Variants in PKNOX2 observed in about 807,000 individuals in gnomAD.
PKNOX2 encodes the protein PBX/knotted 1 homeobox 2.
In PKNOX2, 14 loss-of-function variants were observed where a neutral mutation model predicts 53.1. The ratio of observed to expected loss-of-function variants is 0.26; its 90% confidence interval spans 0.17 to 0.41. The LOEUF is 0.41. Ranked by LOEUF, PKNOX2 falls within the 10% of genes least tolerant of loss-of-function variation. PKNOX2 has a pLI of 1.00. For missense variants in PKNOX2, 496 were observed against 602.8 expected, an observed-to-expected ratio of 0.82 and a Z score of 1.85; for synonymous variants, 257 against 242.8, an observed-to-expected ratio of 1.06 and a Z score of -0.54.
At chr11:125,298,613 C>A (rs1283836696) in intron 2 of PKNOX2, among the ~76,000 whole-genome samples, 3 of 152,216 alleles carry the variant, frequency 2.0e-5, no homozygotes, top group Admixed American at 6.5e-5. Context: ...GCCCCCAGTT[C>A]TGAGCCGCTG....
chr11:125,306,450 G>A lies in PKNOX2; in HGVS notation c.-129-25369G>A, dbSNP rs1426752812. 2.6e-5 allele frequency among the ~76,000 whole-genome samples: 4 copies of A among 152,102 alleles called. No homozygotes were observed. The East Asian group carries it at 7.7e-4, about 29-fold the overall frequency. ...GCTTTTCTTTCTGCCTTCCCACTCT[G>A]TCCTTTCTTTCTTTTTTTCTTTTCT... On this transcript the variant is annotated intron_variant, in intron 2 of 12. Transcript: ENST00000298282.
intron 3 of PKNOX2, among the ~76,000 whole-genome samples, chr11:125,333,207 T>A (rs1950236299): frequency 6.6e-6 from 1 of 152,182 alleles, no homozygotes; most frequent in African/African-American, 2.4e-5. Flanking sequence ...CTACACCTGG[T>A]GAATCCGTGT....
chr11:125,327,406 G>A (rs1174224582), intron 2 of PKNOX2, among the ~76,000 whole-genome samples: 1 of 152,182 alleles, frequency 6.6e-6, no homozygotes, highest in Non-Finnish European at 1.5e-5. Context: ...CTTGTTCCCT[G>A]AACCATCCGG....
chr11:125,426,891 A>G (rs1402930698), intron 10 of PKNOX2, among the ~76,000 whole-genome samples: 2 of 152,206 alleles, frequency 1.3e-5, no homozygotes, highest in Admixed American at 6.5e-5. Flanking sequence ...GGGAGTCGGG[A>G]AGGGCCTTGC....
Position 125,289,151 on chromosome 11 carries a change from C to T in PKNOX2, c.-129-42668C>T, listed in dbSNP as rs568271770. Among the ~76,000 whole-genome samples the T allele has an allele frequency of 8.5e-5, 13 of 152,302 alleles. No homozygotes were observed. The East Asian group carries it at 1.2e-3, about 14-fold the overall frequency. ...TGGCAGGAAATCCTCAGCCTTCAAG[C>T]GGAACCCATAGCAGACCGGGGCCCT... On this transcript the variant is annotated intron_variant, in intron 2 of 12. Coordinates refer to ENST00000298282, the MANE Select transcript of PKNOX2 (RefSeq NM_001382323.2).
chr11:125,225,798 A>T (rs1457404443), intron 1 of PKNOX2, among the ~76,000 whole-genome samples: 1 of 152,234 alleles, frequency 6.6e-6, no homozygotes, highest in Non-Finnish European at 1.5e-5. Flanking sequence ...TGGATGCAAA[A>T]TGAGGTCTTG....
chr11:125,380,953 C>A (rs1953180408), intron 5 of PKNOX2, among the ~76,000 whole-genome samples: 1 of 152,268 alleles, frequency 6.6e-6, no homozygotes, highest in South Asian at 2.1e-4. Context: ...GGCTGGGCAC[C>A]TGGGGAAGGG....
chr11:125,168,721 A>G (rs1955062087), intron 1 of PKNOX2, among the ~76,000 whole-genome samples: 1 of 152,230 alleles, frequency 6.6e-6, no homozygotes, highest in South Asian at 2.1e-4. Context: ...AACCAAACCA[A>G]TTGACCTGAC....
chr11:125,424,098 G>A (rs186889084), intron 10 of PKNOX2, among the ~76,000 whole-genome samples: 15 of 151,892 alleles, frequency 9.9e-5, no homozygotes, highest in Admixed American at 4.6e-4. Flanking sequence ...CAAAAGTCAG[G>A]AGATCTTTGG....
chr11:125,379,895 A>G (rs1388056416), intron 5 of PKNOX2, among the ~76,000 whole-genome samples: 1 of 151,910 alleles, frequency 6.6e-6, no homozygotes, highest in Admixed American at 6.6e-5. Flanking sequence ...ACAAGACTGC[A>G]ATTCTGTGGA....
In PKNOX2 at chr11:125,370,935, G is replaced by A. The variant is rs903628755; in HGVS notation, c.227+2950G>A. ...CATCATGGCCCCTGCTAGAACCACA[G>A]ATGAAGGAAGGGTGGGTGTGGCCCC... is the stretch of plus-strand genomic sequence containing the variant. On this transcript the variant is annotated intron_variant, in intron 5 of 12. Transcript: ENST00000298282. The surrounding 1 kb of genome is among the most constrained non-coding windows in gnomAD (Gnocchi z 4.1). 2.0e-5 allele frequency among the ~76,000 whole-genome samples: 3 copies of A among 152,212 alleles called. No individual in the cohort carries two copies. The highest frequency in any genetic ancestry group is 4.4e-5 in the Non-Finnish European group (3 of 68,028).
At chr11:125,189,447 G>GTGTGTGTGTGTA (rs1256963392) in intron 1 of PKNOX2, among the ~76,000 whole-genome samples, 2 of 23,462 alleles carry the variant, frequency 8.5e-5, no homozygotes, top group African/African-American at 3.1e-4. Flanking sequence ...GTGTGTGTGT[G>GTGTGTGTGTGTA]TATATATATA....
At chr11:125,339,312 A>G (rs772792514) in intron 3 of PKNOX2, among the ~76,000 whole-genome samples, 1 of 152,162 alleles carries the variant, frequency 6.6e-6, no homozygotes, top group Non-Finnish European at 1.5e-5. Context: ...GGAAGAGAAG[A>G]CTCTGAAGTG....
chr11:125,328,347 AAGAGAGAGAGTGAGTGAGAGAG>A (rs1417304746), intron 2 of PKNOX2, among the ~76,000 whole-genome samples: 3,715 of 148,700 alleles, frequency 0.025, 152 homozygotes, highest in African/African-American at 0.089. Flanking sequence ...GAGAGAGAGA[AAGAGAGAGAGTGAGTGAGAGAG>A]AGAGAGAGAG....
At chr11:125,210,804 A>T (rs1464516186) in intron 1 of PKNOX2, among the ~76,000 whole-genome samples, 11 of 151,924 alleles carry the variant, frequency 7.2e-5, no homozygotes, top group African/African-American at 2.4e-4. Context: ...CAGAGTGTGA[A>T]TTTTCTTCTG....
In PKNOX2 at chr11:125,308,671, A is replaced by G. The variant is rs545221115; in HGVS notation, c.-129-23148A>G. Among the ~76,000 whole-genome samples the G allele has an allele frequency of 6.5e-5, 9 of 138,718 alleles. No individual in the cohort carries two copies. The East Asian group carries it at 2.0e-3, about 31-fold the overall frequency. 91.0% of individuals were successfully genotyped at this position (138,718 alleles called of 152,430 possible). ...AACCAAGAGCTGGAAGGGGCCGTGG[A>G]GGTCACCTGGTTTAACTGCCGTGCT... On this transcript the variant is annotated intron_variant, in intron 2 of 12. Transcript: ENST00000298282.
chr11:125,205,059 C>T (rs751217356), intron 1 of PKNOX2, among the ~76,000 whole-genome samples: 8 of 152,228 alleles, frequency 5.3e-5, no homozygotes, highest in Admixed American at 1.3e-4. Flanking sequence ...AACCCAGCAT[C>T]GTGCTGAGCA....
intron 2 of PKNOX2, among the ~76,000 whole-genome samples, chr11:125,302,737 G>C (rs1400290237): frequency 2.0e-5 from 3 of 152,234 alleles, no homozygotes; most frequent in Non-Finnish European, 4.4e-5. Context: ...TGAGCACCCA[G>C]TTTTGCCTCT....
In PKNOX2 at chr11:125,386,713, A is replaced by AACACACACACAC. The variant is rs3138544; in HGVS notation, c.399+1020_399+1031dup. On this transcript the variant is annotated intron_variant, in intron 6 of 12. Transcript: ENST00000298282. ...TGTGGTTCCAGAAAGGAAGAAAAAG[A>AACACACACACAC]ACACACACACACACACACACACACA... Among the ~76,000 whole-genome samples the AACACACACACAC allele has an allele frequency of 4.7e-3, 669 of 141,120 alleles. 4 individuals carry two copies. Among genetic ancestry groups the AACACACACACAC allele is most frequent in the African/African-American group, 9.3e-3 (348 of 37,300 alleles). 92.6% of individuals were successfully genotyped at this position (141,120 alleles called of 152,430 possible). A position where few individuals can be genotyped will look rare whatever the true frequency, so the allele number is the denominator to read the frequency against.
Sources: allele counts gnomAD v4.1 joint callset (sites outside exome capture counted in the v4.1 genomes callset), GRCh38; gene constraint gnomAD v4.1.1; non-coding constraint Gnocchi (gnomAD v3.1); transcripts MANE v1.5; gene names NCBI Gene and HGNC (gene_info 2026-07-23, HGNC 2026-07-21).